The following GRID1 variants were observed in gnomAD, a reference collection of about 807,000 sequenced individuals.
The protein encoded by GRID1 is glutamate ionotropic receptor delta type subunit 1.
A neutral mutation model predicts 98.0 loss-of-function variants in GRID1; 28 were observed. The observed-to-expected ratio is 0.29, with a 90% CI of 0.21 to 0.39. The LOEUF (loss-of-function observed/expected upper bound fraction) is 0.39. Ranked by LOEUF, GRID1 falls within the 10% of genes least tolerant of loss-of-function variation. GRID1 has a pLI of 1.00. For missense variants in GRID1, 1,111 were observed against 1,340.5 expected, an observed-to-expected ratio of 0.83 and a Z score of 2.67; for synonymous variants, 553 against 538.5, an observed-to-expected ratio of 1.03 and a Z score of -0.37.
chr10:85,921,901 A>T (rs572841793), intron 4 of GRID1, among the ~76,000 whole-genome samples: 1 of 152,224 alleles, frequency 6.6e-6, no homozygotes, highest in East Asian at 1.9e-4. Flanking sequence ...TCAATACAAC[A>T]TCTCCTCTGC....
chr10:85,992,449 C>T (rs1484474193), intron 4 of GRID1, among the ~76,000 whole-genome samples: 1 of 152,060 alleles, frequency 6.6e-6, no homozygotes, highest in Admixed American at 6.6e-5. Flanking sequence ...TGAAGCCTCA[C>T]TAAGAAGACA....
intron 15 of GRID1, 182 bp downstream of exon 15, chr10:85,613,225 T>G: frequency 1.5e-6 from 1 of 657,272 alleles, no homozygotes; most frequent in Non-Finnish European, 2.5e-6. Flanking sequence ...TCCCCTACAT[T>G]TCTTCTCTAG....
chr10:85,818,275 T>C (rs1277790866), intron 8 of GRID1, among the ~76,000 whole-genome samples: 5 of 152,234 alleles, frequency 3.3e-5, no homozygotes, highest in African/African-American at 4.8e-5. Context: ...TGTGTGTTTA[T>C]ATCTACCTAT....
chr10:86,032,112 C>T (rs1056921598), intron 4 of GRID1, among the ~76,000 whole-genome samples: 19 of 152,380 alleles, frequency 1.2e-4, no homozygotes, highest in African/African-American at 4.6e-4. Context: ...AATGTAGGCT[C>T]CATGACAAAG....
At chr10:85,616,344 G>T (rs1335939590) in intron 14 of GRID1, among the ~76,000 whole-genome samples, 1 of 152,200 alleles carries the variant, frequency 6.6e-6, no homozygotes, top group Non-Finnish European at 1.5e-5. Context: ...CTGCTCATCA[G>T]AGCTGGGTCA....
intron 5 of GRID1, among the ~76,000 whole-genome samples, chr10:85,881,552 G>A (rs1283723908): frequency 2.0e-5 from 3 of 152,142 alleles, no homozygotes; most frequent in African/African-American, 2.4e-5. Flanking sequence ...AAATGGTGCT[G>A]GGAAAACTGG....
intron 4 of GRID1, among the ~76,000 whole-genome samples, chr10:86,105,370 T>G (rs181025289): frequency 8.5e-5 from 13 of 152,134 alleles, no homozygotes; most frequent in Admixed American, 7.8e-4. Context: ...GTCTCACAGT[T>G]GTGGAGCACA....
intron 3 of GRID1, among the ~76,000 whole-genome samples, chr10:86,165,809 A>G (rs1300092889): frequency 6.6e-6 from 1 of 152,054 alleles, no homozygotes; most frequent in African/African-American, 2.4e-5. Flanking sequence ...TTAGGGCAAG[A>G]CGGCGCTGTG....
At chr10:85,669,131 G>A (rs1331013048) in intron 12 of GRID1, among the ~76,000 whole-genome samples, 1 of 152,214 alleles carries the variant, frequency 6.6e-6, no homozygotes, top group Non-Finnish European at 1.5e-5. Context: ...GGCCTGACTT[G>A]TCTTCCATGT....
intron 8 of GRID1, among the ~76,000 whole-genome samples, chr10:85,771,231 A>G (rs534423044): frequency 3.3e-5 from 5 of 152,202 alleles, no homozygotes; most frequent in African/African-American, 1.2e-4. Context: ...TAAGATTCAT[A>G]AGTGAAGGAG....
rs142089693 is a variant in GRID1, at chr10:86,182,685, T to C, written c.520+23679A>G. ...CCTTTGTCATACATTTCAAGGACTA[T>C]TCGTTGAAACTGCTCATTGCATTTC... On this transcript the variant is annotated intron_variant, in intron 3 of 15. Transcript: ENST00000327946. Among the ~76,000 whole-genome samples, 674 of 152,344 alleles carry C rather than the reference T, an allele frequency of 4.4e-3. 1 individual carries two copies. Among genetic ancestry groups the C allele is most frequent in the African/African-American group, 0.015 (608 of 41,578 alleles).
intron 8 of GRID1, among the ~76,000 whole-genome samples, chr10:85,843,592 C>A (rs1344181301): frequency 1.3e-5 from 2 of 151,820 alleles, no homozygotes; most frequent in Non-Finnish European, 2.9e-5. Context: ...CTCAACAGTA[C>A]AATATAAGCA....
At chr10:86,301,592 A>G (rs1469886071) in intron 2 of GRID1, among the ~76,000 whole-genome samples, 1 of 152,112 alleles carries the variant, frequency 6.6e-6, no homozygotes, top group Non-Finnish European at 1.5e-5. Flanking sequence ...GAACTGTTCC[A>G]ACCTTGTATC....
At chr10:85,847,417 T>C (rs1489127427) in intron 8 of GRID1, among the ~76,000 whole-genome samples, 1 of 152,202 alleles carries the variant, frequency 6.6e-6, no homozygotes, top group Non-Finnish European at 1.5e-5. Flanking sequence ...TTCCTTATTG[T>C]TTAATCCACT....
At chr10:86,025,056 T>C (rs930505631) in intron 4 of GRID1, among the ~76,000 whole-genome samples, 3 of 152,170 alleles carry the variant, frequency 2.0e-5, no homozygotes, top group African/African-American at 7.2e-5. Flanking sequence ...AGGAATCATG[T>C]GATAAGAGAG....
At chr10:86,063,859 A>G (rs967521217) in intron 4 of GRID1, among the ~76,000 whole-genome samples, 4 of 152,198 alleles carry the variant, frequency 2.6e-5, no homozygotes, top group African/African-American at 9.7e-5. Flanking sequence ...ACCCATATGC[A>G]TTTGTTCATG....
At chr10:86,047,437 T>C (rs557373941) in intron 4 of GRID1, among the ~76,000 whole-genome samples, 1 of 152,352 alleles carries the variant, frequency 6.6e-6, no homozygotes, top group East Asian at 1.9e-4. Flanking sequence ...ATGAGGCAAT[T>C]ATTCCCAGTG....
At chr10:86,214,230 G>A (rs879845581) in intron 2 of GRID1, among the ~76,000 whole-genome samples, 8 of 152,120 alleles carry the variant, frequency 5.3e-5, no homozygotes, top group Non-Finnish European at 1.0e-4. Context: ...CACACCCTAT[G>A]CCCTGCGTTC....
chr10:86,124,203 T>A (rs1188877062), intron 4 of GRID1, among the ~76,000 whole-genome samples: 6 of 152,146 alleles, frequency 3.9e-5, no homozygotes, highest in Non-Finnish European at 7.4e-5. Flanking sequence ...ATCATGCTGC[T>A]CACCTGCTCA....
Sources: gnomAD v4.1 joint callset for allele counts (sites outside exome capture counted in the v4.1 genomes callset) on GRCh38, gnomAD v4.1.1 for gene constraint, MANE v1.5 for transcripts, NCBI Gene and HGNC (gene_info 2026-07-23, HGNC 2026-07-21) for gene names.